Variants in GALNTL6 observed in about 807,000 individuals in gnomAD.
GALNTL6 encodes polypeptide N-acetylgalactosaminyltransferase-like 6.
Under a neutral mutation model 73.7 loss-of-function variants are expected in GALNTL6, and 46 were observed. The ratio of observed to expected loss-of-function variants is 0.62; its 90% CI spans 0.49 to 0.80. GALNTL6 has a LOEUF of 0.80. Among genes scored for constraint, GALNTL6 ranks in the 30% least tolerant of loss-of-function variants. The pLI, the probability that GALNTL6 is intolerant of heterozygous loss-of-function variation, is 0.00. For missense variants in GALNTL6, 604 were observed against 755.0 expected (o/e 0.80, Z 2.34); for synonymous variants, 259 against 263.7 (o/e 0.98, Z 0.17).
chr4:171,943,190 A>G (rs1738600778), intron 2 of GALNTL6, among the ~76,000 whole-genome samples: 1 of 152,212 alleles, frequency 6.6e-6, no homozygotes, highest in Non-Finnish European at 1.5e-5. Context: ...AATGTCCAAA[A>G]TATAAGTTCT....
chr4:172,906,101 C>G (rs1028104425), intron 8 of GALNTL6, among the ~76,000 whole-genome samples: 1 of 152,102 alleles, frequency 6.6e-6, no homozygotes, highest in African/African-American at 2.4e-5. Context: ...GTGGCCAGAA[C>G]TTCCCCTGGA....
intron 3 of GALNTL6, among the ~76,000 whole-genome samples, chr4:172,248,006 C>CT (rs1385759832): frequency 7.9e-5 from 12 of 151,774 alleles, no homozygotes; most frequent in East Asian, 1.9e-4. Context: ...AATTTGTAGT[C>CT]TTTTTTTACA....
chr4:172,244,451 A>T (rs1737554788), intron 3 of GALNTL6, among the ~76,000 whole-genome samples: 1 of 152,198 alleles, frequency 6.6e-6, no homozygotes, highest in South Asian at 2.1e-4. Context: ...ATTCAATTTA[A>T]CTATTTGTTG....
chr4:172,741,174 A>G (rs532196827), intron 5 of GALNTL6, among the ~76,000 whole-genome samples: 1 of 152,266 alleles, frequency 6.6e-6, no homozygotes, highest in African/African-American at 2.4e-5. Context: ...CTTGGGCTAA[A>G]GAAAAATGAA....
intron 10 of GALNTL6, among the ~76,000 whole-genome samples, chr4:172,999,224 T>C (rs1751931456): frequency 6.6e-6 from 1 of 152,120 alleles, no homozygotes; most frequent in African/African-American, 2.4e-5. Flanking sequence ...ATAAAGAAAC[T>C]TGCAGGACAT....
At chr4:172,728,359 T>G (rs1216095986) in intron 5 of GALNTL6, among the ~76,000 whole-genome samples, 2 of 151,938 alleles carry the variant, frequency 1.3e-5, no homozygotes, top group Non-Finnish European at 2.9e-5. Context: ...CACATAGGAG[T>G]GAGAATATGC....
At chr4:172,673,470 G>T (rs1412189499) in intron 5 of GALNTL6, among the ~76,000 whole-genome samples, 1 of 152,150 alleles carries the variant, frequency 6.6e-6, no homozygotes, top group Non-Finnish European at 1.5e-5. Context: ...GGAGAGTTCT[G>T]TAGATATCTA....
chr4:172,557,675 A>G (rs1736199220), intron 5 of GALNTL6, among the ~76,000 whole-genome samples: 1 of 152,212 alleles, frequency 6.6e-6, no homozygotes, highest in African/African-American at 2.4e-5. Context: ...ATGGGAAATT[A>G]AAACCATTAT....
At chr4:172,413,368 A>C in intron 5 of GALNTL6, among the ~76,000 whole-genome samples, 1 of 152,246 alleles carries the variant, frequency 6.6e-6, no homozygotes, top group East Asian at 1.9e-4. Context: ...ATATCATAAC[A>C]TTGCCCTAGA....
At chr4:172,602,452 A>G (rs150762023) in intron 5 of GALNTL6, among the ~76,000 whole-genome samples, 1 of 152,304 alleles carries the variant, frequency 6.6e-6, no homozygotes, top group East Asian at 1.9e-4. Context: ...ACTGTTATAA[A>G]TGTCTTACCT....
rs542065651 is a variant in GALNTL6 at position 171,988,943 on chromosome 4, G to A, written c.138+174225G>A. On this transcript the variant is annotated intron_variant, in intron 2 of 12. Transcript: ENST00000506823. ...AACTGGGGGAAAAGGTGGCAATGAG[G>A]TGTGGCTGTAGCCTAGGAATAGTCA... Among the ~76,000 whole-genome samples, 106 of 152,000 alleles carry A rather than the reference G, an allele frequency of 7.0e-4. 1 individual carries two copies. The South Asian group carries it at 0.015, about 21-fold the overall frequency.
At chr4:172,220,475 A>G (rs945106820) in intron 2 of GALNTL6, among the ~76,000 whole-genome samples, 8 of 151,786 alleles carry the variant, frequency 5.3e-5, no homozygotes, top group African/African-American at 1.7e-4. Context: ...GAAGGGGAAT[A>G]TGGTATAAAT....
chr4:172,155,205 C>G (rs931384024), intron 2 of GALNTL6, among the ~76,000 whole-genome samples: 2 of 152,060 alleles, frequency 1.3e-5, no homozygotes, highest in Non-Finnish European at 2.9e-5. Context: ...ACCATGTTGG[C>G]CAGCCTGGTC....
chr4:172,907,669 C>T (rs1746975172), intron 8 of GALNTL6, among the ~76,000 whole-genome samples: 1 of 152,182 alleles, frequency 6.6e-6, no homozygotes, highest in Non-Finnish European at 1.5e-5. Flanking sequence ...GAACATGTTT[C>T]TGTTCCGGTC....
chr4:172,532,745 T>G (rs999386862), intron 5 of GALNTL6, among the ~76,000 whole-genome samples: 14 of 152,290 alleles, frequency 9.2e-5, no homozygotes, highest in African/African-American at 3.4e-4. Context: ...CATAAGGAAA[T>G]GTAAATATAT....
chr4:172,978,062 A>G (rs1750906814), intron 10 of GALNTL6, among the ~76,000 whole-genome samples: 1 of 152,104 alleles, frequency 6.6e-6, no homozygotes, highest in Non-Finnish European at 1.5e-5. Context: ...GCTGGTCTCA[A>G]AACTCCTGAC....
At chr4:171,985,740 T>TTATATATATATATATATATA (rs144030359) in intron 2 of GALNTL6, among the ~76,000 whole-genome samples, 1 of 148,058 alleles carries the variant, frequency 6.8e-6, no homozygotes, top group African/African-American at 2.5e-5. Context: ...CTCTATAAAA[T>TTATATATATATATATATATA]TATATATATA....
At chr4:172,612,425 C>A (rs1027666321) in intron 5 of GALNTL6, among the ~76,000 whole-genome samples, 2 of 152,008 alleles carry the variant, frequency 1.3e-5, no homozygotes, top group East Asian at 3.9e-4. Flanking sequence ...GGACACTAGG[C>A]AACAGAATAA....
At chr4:172,887,312 T>C (rs1285181446) in intron 8 of GALNTL6, among the ~76,000 whole-genome samples, 2 of 152,110 alleles carry the variant, frequency 1.3e-5, no homozygotes, top group African/African-American at 4.8e-5. Context: ...CATATGTCTT[T>C]TTGGTAAAAT....
Sources: allele counts gnomAD v4.1 joint callset (sites outside exome capture counted in the v4.1 genomes callset), GRCh38; gene constraint gnomAD v4.1.1; transcripts MANE v1.5; gene names NCBI Gene and HGNC (gene_info 2026-07-23, HGNC 2026-07-21).